The following FMNL2 variants were observed in gnomAD, a reference collection of about 807,000 sequenced individuals.
FMNL2 encodes formin like 2.
Under a neutral mutation model 130.2 loss-of-function variants are expected in FMNL2, and 51 were observed. The observed-to-expected ratio is 0.39, with a 90% CI of 0.31 to 0.49. FMNL2 has a LOEUF of 0.49. FMNL2 is among the 20% of genes least tolerant of loss of function. FMNL2 has a pLI of 0.85. For synonymous variants in FMNL2, 465 were observed against 467.1 expected (o/e 1.00, Z 0.06); for missense variants, 977 against 1,316.2 (o/e 0.74, Z 3.99).
chr2:152,574,231 A>G (rs979907586), intron 6 of FMNL2, among the ~76,000 whole-genome samples: 6 of 152,280 alleles, frequency 3.9e-5, no homozygotes, highest in African/African-American at 1.4e-4. Context: ...AGATCAAGAG[A>G]TGGAGAGCAT....
intron 1 of FMNL2, among the ~76,000 whole-genome samples, chr2:152,388,609 A>G (rs1157166115): frequency 1.3e-5 from 2 of 152,254 alleles, no homozygotes; most frequent in Non-Finnish European, 1.5e-5. Flanking sequence ...CAGCCAAACC[A>G]TATCAACCAT....
chr2:152,344,571 A>G (rs763100013), intron 1 of FMNL2, among the ~76,000 whole-genome samples: 4 of 152,234 alleles, frequency 2.6e-5, no homozygotes, highest in Non-Finnish European at 2.9e-5. Context: ...ACTTTATTTA[A>G]CTATTTAAGA....
At chr2:152,384,641 G>T (rs1323637896) in intron 1 of FMNL2, among the ~76,000 whole-genome samples, 1 of 152,102 alleles carries the variant, frequency 6.6e-6, no homozygotes, top group South Asian at 2.1e-4. Context: ...TCTTCTCCTC[G>T]GTTCAGTGGA....
intron 1 of FMNL2, among the ~76,000 whole-genome samples, chr2:152,409,695 C>T (rs567229623): frequency 2.6e-5 from 4 of 152,134 alleles, no homozygotes; most frequent in South Asian, 2.1e-4. Context: ...CCCTGATTAA[C>T]GATGAAGCTG....
intron 1 of FMNL2, among the ~76,000 whole-genome samples, chr2:152,491,457 G>A (rs1691186436): frequency 6.6e-6 from 1 of 152,156 alleles, no homozygotes; most frequent in African/African-American, 2.4e-5. Context: ...AGGACAGTGG[G>A]TGTGAATTGT....
intron 9 of FMNL2, among the ~76,000 whole-genome samples, chr2:152,605,530 G>T (rs145879066): frequency 1.3e-3 from 204 of 152,046 alleles, no homozygotes; most frequent in African/African-American, 4.7e-3. Context: ...TCATTATTTT[G>T]CCCAGGCCAG....
rs144394873 is a variant in FMNL2 at position 152,475,421 on chromosome 2, C to T, written c.118-46522C>T. On this transcript the variant is annotated intron_variant, in intron 1 of 25. Coordinates refer to ENST00000288670, the MANE Select transcript of FMNL2 (RefSeq NM_052905.4). ...TTGACACAGAATATGGGACTCATCA[C>T]GGTTAATAGTAATGTATTGTATATT... Among the ~76,000 whole-genome samples, 921 of 152,240 alleles carry T rather than the reference C, an allele frequency of 6.0e-3. 12 individuals carry two copies. Among genetic ancestry groups the T allele is most frequent in the African/African-American group, 0.022 (894 of 41,538 alleles).
chr2:152,527,372 C>T (rs1693447360), intron 2 of FMNL2, among the ~76,000 whole-genome samples: 1 of 152,144 alleles, frequency 6.6e-6, no homozygotes, highest in African/African-American at 2.4e-5. Context: ...TATATACGTC[C>T]AGTTACCTAT....
rs141744074 is a variant in FMNL2, at chr2:152,638,169, C to CT, written c.2946+496dup. ...TGGTGCTTTTAAGGATGGGCACTCTCTGTTTCTTTGTGTGGATCAGTAAGT... is the reference window on the plus strand; with the variant it reads ...TGGTGCTTTTAAGGATGGGCACTCTCTTGTTTCTTTGTGTGGATCAGTAAGT... On this transcript the variant is annotated intron_variant, in intron 23 of 25. Transcript: ENST00000288670. 6.9e-3 allele frequency among the ~76,000 whole-genome samples: 1,046 copies of CT among 152,310 alleles called. 6 individuals are homozygous for CT. The highest frequency in any genetic ancestry group is 0.011 in the Non-Finnish European group (745 of 68,032).
At chr2:152,589,955 A>G (rs1325635065) in intron 9 of FMNL2, among the ~76,000 whole-genome samples, 4 of 10,040 alleles carry the variant, frequency 4.0e-4, no homozygotes, top group African/African-American at 6.7e-4. Flanking sequence ...ATATATATAT[A>G]TATATATATA....
At chr2:152,559,526 A>C (rs948008934) in intron 5 of FMNL2, among the ~76,000 whole-genome samples, 2 of 151,892 alleles carry the variant, frequency 1.3e-5, no homozygotes, top group Non-Finnish European at 2.9e-5. Context: ...CTGCTCTCGA[A>C]CTCCTGACTT....
At chr2:152,439,535 G>A (rs2106123918) in intron 1 of FMNL2, among the ~76,000 whole-genome samples, 1 of 152,208 alleles carries the variant, frequency 6.6e-6, no homozygotes, top group Non-Finnish European at 1.5e-5. Context: ...AGTGACCTTT[G>A]TAAGTCACCA....
In FMNL2 at chr2:152,494,824, C is replaced by T. The variant is rs138538293; in HGVS notation, c.118-27119C>T. Among the ~76,000 whole-genome samples the T allele has an allele frequency of 1.5e-4, 23 of 152,260 alleles. No homozygotes were observed. In the East Asian group the frequency reaches 3.9e-3, roughly 26 times the overall value. On this transcript the variant is annotated intron_variant, in intron 1 of 25. Coordinates refer to ENST00000288670, the MANE Select transcript of FMNL2 (RefSeq NM_052905.4). ...CCTGTTTAGAAGAAGTGACCTGGTACGCTTTTTGACTCTTGGCTCTGAAAT... is the reference window on the plus strand; with the variant it reads ...CCTGTTTAGAAGAAGTGACCTGGTATGCTTTTTGACTCTTGGCTCTGAAAT...
chr2:152,506,790 G>A (rs1692197341), intron 1 of FMNL2, among the ~76,000 whole-genome samples: 2 of 152,126 alleles, frequency 1.3e-5, no homozygotes, highest in African/African-American at 4.8e-5. Flanking sequence ...AACTATTTAT[G>A]TTCTACTAAT....
chr2:152,349,549 C>G (rs1682351751), intron 1 of FMNL2, among the ~76,000 whole-genome samples: 1 of 152,206 alleles, frequency 6.6e-6, no homozygotes, highest in Non-Finnish European at 1.5e-5. Flanking sequence ...TCTTCACATA[C>G]CCTCTGTACT....
At chr2:152,498,577 T>C (rs79199131) in intron 1 of FMNL2, among the ~76,000 whole-genome samples, 11,148 of 152,228 alleles carry the variant, frequency 0.073, 661 homozygotes, top group Admixed American at 0.21. Flanking sequence ...TTCCTTCTTC[T>C]ATTTGTTTAA....
intron 1 of FMNL2, among the ~76,000 whole-genome samples, chr2:152,433,862 G>A (rs1004479744): frequency 2.0e-5 from 3 of 152,152 alleles, no homozygotes; most frequent in Non-Finnish European, 4.4e-5. Flanking sequence ...CAGCAGTGGG[G>A]GAAAATCAGT....
At chr2:152,586,976 G>T (rs1036243922) in intron 9 of FMNL2, among the ~76,000 whole-genome samples, 5 of 152,138 alleles carry the variant, frequency 3.3e-5, no homozygotes, top group African/African-American at 9.7e-5. Flanking sequence ...GACTGGGGAT[G>T]CCAGTCCATC....
At position 152,351,365 on chromosome 2, in the gene FMNL2, C is replaced by T. The variant is rs148480671; in HGVS notation, c.117+15645C>T. Reference sequence around the variant, plus strand: ...TCTCCCTCCCCTTTCCCACCAATCCCAGCAGGTTCCATTGTGTGACGTTCC... The same window carrying T: ...TCTCCCTCCCCTTTCCCACCAATCCTAGCAGGTTCCATTGTGTGACGTTCC... On this transcript the variant is annotated intron_variant, in intron 1 of 25. Coordinates refer to ENST00000288670, the MANE Select transcript of FMNL2 (RefSeq NM_052905.4). 4.7e-3 allele frequency among the ~76,000 whole-genome samples: 714 copies of T among 152,212 alleles called. 7 individuals are homozygous for T. Among genetic ancestry groups the T allele is most frequent in the African/African-American group, 0.016 (684 of 41,522 alleles).
Sources: gnomAD v4.1 joint callset for allele counts (sites outside exome capture counted in the v4.1 genomes callset) on GRCh38, gnomAD v4.1.1 for gene constraint, MANE v1.5 for transcripts, NCBI Gene and HGNC (gene_info 2026-07-23, HGNC 2026-07-21) for gene names.